Variants in GABRB2 observed in about 807,000 individuals in gnomAD.
GABRB2 encodes the protein gamma-aminobutyric acid receptor subunit beta-2.
GABRB2 carries 16 observed loss-of-function variants against 54.7 expected under a neutral mutation model. The ratio of observed to expected loss-of-function variants is 0.29; its 90% CI spans 0.20 to 0.44. GABRB2 has a LOEUF of 0.44. Among genes scored for constraint, GABRB2 ranks in the 20% least tolerant of loss-of-function variants. The pLI, the probability that GABRB2 is intolerant of heterozygous loss-of-function variation, is 1.00. For missense variants in GABRB2, 355 were observed against 644.0 expected, an observed-to-expected ratio of 0.55 and a Z score of 4.86; for synonymous variants, 244 against 233.8, an observed-to-expected ratio of 1.04 and a Z score of -0.40.
At chr5:161,503,607 C>T (rs984049228) in intron 3 of GABRB2, among the ~76,000 whole-genome samples, 3 of 150,146 alleles carry the variant, frequency 2.0e-5, no homozygotes, top group East Asian at 3.9e-4. Flanking sequence ...ACTCGGGAGA[C>T]TGAGAGCAGA....
At chr5:161,431,507 C>G (rs558016645) in intron 4 of GABRB2, among the ~76,000 whole-genome samples, 1 of 152,260 alleles carries the variant, frequency 6.6e-6, no homozygotes, top group Admixed American at 6.5e-5. Context: ...TTTATGCCTT[C>G]CTTTTACATA....
intron 5 of GABRB2, among the ~76,000 whole-genome samples, chr5:161,351,883 T>G (rs1041785117): frequency 6.6e-6 from 1 of 151,990 alleles, no homozygotes; most frequent in Non-Finnish European, 1.5e-5. Flanking sequence ...AATTAAAAAA[T>G]GGGCAAATAA....
At chr5:161,347,804 C>G (rs1754362342) in intron 5 of GABRB2, among the ~76,000 whole-genome samples, 1 of 152,054 alleles carries the variant, frequency 6.6e-6, no homozygotes, top group Non-Finnish European at 1.5e-5. Context: ...TAAAAAGTAG[C>G]AAAATCTAAT....
intron 3 of GABRB2, among the ~76,000 whole-genome samples, chr5:161,461,888 G>A (rs1758127534): frequency 6.6e-6 from 1 of 152,110 alleles, no homozygotes; most frequent in African/African-American, 2.4e-5. Flanking sequence ...TTGTGTATAA[G>A]ACACATACTT....
intron 9 of GABRB2, among the ~76,000 whole-genome samples, chr5:161,310,661 ACGCACG>A (rs1276279343): frequency 3.6e-5 from 5 of 138,106 alleles, no homozygotes; most frequent in Admixed American, 7.4e-5. Context: ...ACACATGCAC[ACGCACG>A]CGCACGCGCG....
intron 3 of GABRB2, among the ~76,000 whole-genome samples, chr5:161,463,656 C>T (rs1260230228): frequency 7.2e-6 from 1 of 138,790 alleles, no homozygotes; most frequent in Non-Finnish European, 1.5e-5. Context: ...GGAAGACTCA[C>T]ACAATCTGAT....
chr5:161,418,434 T>C (rs548830881), intron 4 of GABRB2, among the ~76,000 whole-genome samples: 1 of 152,294 alleles, frequency 6.6e-6, no homozygotes, highest in South Asian at 2.1e-4. Context: ...CATTCTCTTT[T>C]TTAAATTGTA....
chr5:161,510,717 C>A (rs1759740942), intron 3 of GABRB2, among the ~76,000 whole-genome samples: 1 of 151,830 alleles, frequency 6.6e-6, no homozygotes, highest in Non-Finnish European at 1.5e-5. Context: ...CTCACTACAA[C>A]CTCCAACTCA....
chr5:161,357,959 C>T (rs112997352), intron 5 of GABRB2, among the ~76,000 whole-genome samples: 4 of 152,060 alleles, frequency 2.6e-5, no homozygotes, highest in African/African-American at 9.7e-5. Context: ...AAGAGAGAAG[C>T]CTGATTGGAG....
At chr5:161,316,731 C>T (rs141657660) in intron 9 of GABRB2, among the ~76,000 whole-genome samples, 10,336 of 152,126 alleles carry the variant, frequency 0.068, 540 homozygotes, top group Admixed American at 0.16. Flanking sequence ...CCTGCCTCAG[C>T]CTCCTGAGTA....
rs184182453 is a variant in GABRB2 at position 161,484,477 on chromosome 5, C to G, written c.238-24633G>C. ...AAGTGGAGCAAAGATGAGACAGTCT[C>G]AGAGCAGACCGGCTGGGGAGAAAGG... On this transcript the variant is annotated intron_variant, in intron 3 of 9. Transcript: ENST00000393959. Among the ~76,000 whole-genome samples the G allele has an allele frequency of 2.6e-4, 39 of 152,058 alleles. No homozygotes were observed. In the Middle Eastern group the frequency reaches 0.01, roughly 40 times the overall value.
chr5:161,350,339 A>G (rs548597905), intron 5 of GABRB2, among the ~76,000 whole-genome samples: 2 of 152,262 alleles, frequency 1.3e-5, no homozygotes, highest in South Asian at 4.1e-4. Flanking sequence ...CACAAATTCA[A>G]TAAAGACTCA....
At chr5:161,543,998 T>C (rs1015690583) in intron 3 of GABRB2, among the ~76,000 whole-genome samples, 7 of 152,238 alleles carry the variant, frequency 4.6e-5, no homozygotes, top group African/African-American at 1.7e-4. Flanking sequence ...AAGCACAGTA[T>C]TCATTTGCTT....
At chr5:161,395,389 T>A (rs527770273) in intron 5 of GABRB2, among the ~76,000 whole-genome samples, 10 of 152,272 alleles carry the variant, frequency 6.6e-5, no homozygotes, top group African/African-American at 2.4e-4. Context: ...TCCTTATTCA[T>A]CCAACTATTC....
intron 4 of GABRB2, among the ~76,000 whole-genome samples, chr5:161,455,581 A>G (rs1242383871): frequency 1.4e-5 from 2 of 139,946 alleles, no homozygotes; most frequent in Non-Finnish European, 3.0e-5. Context: ...TCCAGGCTGT[A>G]GCGCAGTGGC....
At chr5:161,479,952 T>C (rs1758708715) in intron 3 of GABRB2, among the ~76,000 whole-genome samples, 1 of 152,080 alleles carries the variant, frequency 6.6e-6, no homozygotes, top group Non-Finnish European at 1.5e-5. Context: ...TAGTATCTTA[T>C]ACTACATGAG....
intron 1 of GABRB2, 56 bp from the exon 2 acceptor site, chr5:161,546,469 T>G (rs1452554389): frequency 6.3e-7 from 1 of 1,581,170 alleles, no homozygotes; most frequent in Non-Finnish European, 8.7e-7. Context: ...CATAGCGTTT[T>G]CAGCATCGGA....
At chr5:161,504,756 T>TAAA (rs554554929) in intron 3 of GABRB2, among the ~76,000 whole-genome samples, 1 of 132,178 alleles carries the variant, frequency 7.6e-6, no homozygotes, top group Non-Finnish European at 1.6e-5. Context: ...TATCTGGAAT[T>TAAA]AAAAAAAAAA....
Position 161,440,716 on chromosome 5 carries a change from A to G in GABRB2, c.458+18908T>C, listed in dbSNP as rs1278865255. ...AGGAATCACATTACTTGACTTCCAA[A>G]TATATTTACAGTACTCTAGTAACCA... is the stretch of plus-strand genomic sequence containing the variant. On this transcript the variant is annotated intron_variant, in intron 4 of 9. Coordinates refer to ENST00000393959, the MANE Select transcript of GABRB2 (RefSeq NM_001371727.1). 2.0e-5 allele frequency among the ~76,000 whole-genome samples: 3 copies of G among 152,142 alleles called. No homozygotes were observed. In the East Asian group the frequency reaches 5.8e-4, roughly 29 times the overall value.
Sources: gnomAD v4.1 joint callset for allele counts (sites outside exome capture counted in the v4.1 genomes callset) on GRCh38, gnomAD v4.1.1 for gene constraint, MANE v1.5 for transcripts, NCBI Gene and HGNC (gene_info 2026-07-23, HGNC 2026-07-21) for gene names.